Variants in KIAA0753 observed in about 807,000 individuals in gnomAD.
KIAA0753 encodes the protein KIAA0753.
In KIAA0753, 114 loss-of-function variants were observed where a neutral mutation model predicts 116.9. The ratio of observed to expected loss-of-function variants is 0.98; its 90% CI spans 0.84 to 1.14. The LOEUF is 1.14. KIAA0753 is among the 50% of genes most tolerant of loss of function. The pLI is 0.00. For missense variants in KIAA0753, 1,156 were observed against 1,172.4 expected (o/e 0.99, Z 0.20); for synonymous variants, 405 against 413.1 (o/e 0.98, Z 0.24).
chr17:6,594,264 A>C (rs1969296715), intron 16 of KIAA0753, among the ~76,000 whole-genome samples: 1 of 126,668 alleles, frequency 7.9e-6, no homozygotes, highest in Non-Finnish European at 1.6e-5. Flanking sequence ...TTTACCACTC[A>C]CTTCAGATTC....
At chr17:6,624,734 T>A in intron 4 of KIAA0753, 21 bp downstream of exon 4, 1 of 1,522,240 alleles carries the variant, frequency 6.6e-7, no homozygotes, top group East Asian at 2.4e-5. Context: ...ACTGCCCTAC[T>A]TCTCCCTGAA....
chr17:6,595,066 AG>A lies in KIAA0753; in HGVS notation c.2359-14del. ...ACTCCTGGTATTTCTTTAAAAAAAA[AG>A]AAAAAAGTTTAATTTATGAGAAAAA... On this transcript the variant is annotated splice_polypyrimidine_tract_variant and intron_variant, in intron 15 of 18. Transcript: ENST00000361413. The A allele has an allele frequency of 6.4e-7, 1 of 1,562,018 alleles. No homozygotes were observed. Among genetic ancestry groups the A allele is most frequent in the Non-Finnish European group, 8.7e-7 (1 of 1,143,080 alleles).
At chr17:6,626,353 A>G (rs533731817) in intron 3 of KIAA0753, among the ~76,000 whole-genome samples, 1 of 152,386 alleles carries the variant, frequency 6.6e-6, no homozygotes, top group East Asian at 1.9e-4. Flanking sequence ...AAAACATCAA[A>G]CAATGCAAAG....
Position 6,615,006 on chromosome 17 carries a change from C to T in KIAA0753, c.1316-2858G>A, listed in dbSNP as rs542543370. Among the ~76,000 whole-genome samples, 7 of 152,194 alleles carry T rather than the reference C, an allele frequency of 4.6e-5. No homozygotes were observed. In the East Asian group the frequency reaches 1.4e-3, roughly 29 times the overall value. ...TAGAGACGGGGTTTCACCATGTTGG[C>T]CAGGCTGGTCTCAAACTCCTGACCT... On this transcript the variant is annotated intron_variant, in intron 7 of 18. Transcript: ENST00000361413.
In KIAA0753 at chr17:6,596,330, T is replaced by A. The variant is rs754573457; in HGVS notation, c.2186A>T (p.Asp729Val). 10 of 1,392,664 alleles carry A rather than the reference T, an allele frequency of 7.2e-6. No individual in the cohort carries two copies. Among genetic ancestry groups the A allele is most frequent in the Non-Finnish European group, 6.7e-6 (7 of 1,046,542 alleles). 86.3% of individuals were successfully genotyped at this position (1,392,664 alleles called of 1,614,324 possible). ...AQPAQEVAAVDFESNNIRQLD... is the reference protein window; with the variant it reads ...AQPAQEVAAVVFESNNIRQLD... ...CTGACGAATGTTGTTGGATTCAAAA[T>A]CAACAGCTGCAACCTACAAGATGGG... Residue 729 changes from aspartate to valine, a missense_variant, in exon 15 of 19, where the codon GAT (aspartate) becomes GTT (valine). Coordinates refer to ENST00000361413, the MANE Select transcript of KIAA0753 (RefSeq NM_014804.3).
intron 12 of KIAA0753, among the ~76,000 whole-genome samples, chr17:6,605,953 G>A (rs539002160): frequency 6.6e-6 from 1 of 152,360 alleles, no homozygotes; most frequent in East Asian, 1.9e-4. Flanking sequence ...CAAAGGACAA[G>A]TGGGTAAGAG....
At chr17:6,587,869 C>A (rs148807523) in intron 18 of KIAA0753, among the ~76,000 whole-genome samples, 1 of 152,034 alleles carries the variant, frequency 6.6e-6, no homozygotes, top group Non-Finnish European at 1.5e-5. Context: ...GTGAGAAATG[C>A]CCAAGATTTT....
At chr17:6,598,937 C>T (rs888847622) in intron 14 of KIAA0753, among the ~76,000 whole-genome samples, 2 of 152,146 alleles carry the variant, frequency 1.3e-5, no homozygotes, top group South Asian at 2.1e-4. Context: ...ATTCTTCTGC[C>T]GCAGGCCACC....
intron 18 of KIAA0753, among the ~76,000 whole-genome samples, chr17:6,582,547 C>A (rs1349202515): frequency 6.6e-6 from 1 of 152,178 alleles, no homozygotes; most frequent in Admixed American, 6.5e-5. Context: ...TGTTTTTTCG[C>A]TAATCTGACA....
chr17:6,624,255 A>G (rs1017607688), intron 4 of KIAA0753, among the ~76,000 whole-genome samples: 5 of 152,186 alleles, frequency 3.3e-5, no homozygotes, highest in African/African-American at 1.2e-4. Context: ...GACACTTAAC[A>G]TGGTCTTTAC....
chr17:6,586,532 G>A (rs1317206939), intron 18 of KIAA0753, among the ~76,000 whole-genome samples: 1 of 152,128 alleles, frequency 6.6e-6, no homozygotes, highest in South Asian at 2.1e-4. Flanking sequence ...TTTCTTGTTT[G>A]CTGTCATTGA....
intron 18 of KIAA0753, among the ~76,000 whole-genome samples, chr17:6,582,708 A>G (rs1285483588): frequency 2.6e-5 from 4 of 152,112 alleles, no homozygotes; most frequent in African/African-American, 9.7e-5. Context: ...TAATTTTTAA[A>G]CTACATTTGC....
chr17:6,581,325 C>T (rs191266536), intron 18 of KIAA0753, among the ~76,000 whole-genome samples: 23 of 152,064 alleles, frequency 1.5e-4, no homozygotes, highest in African/African-American at 4.8e-4. Context: ...TCCTTATGAT[C>T]AGATTCAGGA....
chr17:6,615,268 C>T (rs10445264), intron 7 of KIAA0753, among the ~76,000 whole-genome samples: 11,824 of 151,964 alleles, frequency 0.078, 535 homozygotes, highest in Non-Finnish European at 0.11. Flanking sequence ...ATGCTGTAGA[C>T]GCTCCCTGCC....
intron 12 of KIAA0753, among the ~76,000 whole-genome samples, chr17:6,602,846 G>A (rs975321019): frequency 3.9e-5 from 6 of 152,010 alleles, no homozygotes; most frequent in African/African-American, 9.7e-5. Flanking sequence ...GTTTTTGATC[G>A]GCAATCACTC....
At chr17:6,616,003 G>A (rs1970903152) in intron 7 of KIAA0753, among the ~76,000 whole-genome samples, 1 of 151,738 alleles carries the variant, frequency 6.6e-6, no homozygotes, top group African/African-American at 2.4e-5. Context: ...TTCAGGGGTG[G>A]GTGGGGAAGA....
At chr17:6,609,257 ACTG>A (rs1436211269) in intron 9 of KIAA0753, among the ~76,000 whole-genome samples, 5 of 152,072 alleles carry the variant, frequency 3.3e-5, no homozygotes, top group Non-Finnish European at 7.4e-5. Context: ...CCCTGACATG[ACTG>A]CTTTTTACTT....
At chr17:6,640,531 T>C (rs1470350834) in intron 1 of KIAA0753, 106 bp downstream of exon 1, 1 of 131,040 alleles carries the variant, frequency 7.6e-6, no homozygotes. Context: ...AAAAGGTAAC[T>C]GGGGGGACAA....
At chr17:6,587,699 C>T (rs919304506) in intron 18 of KIAA0753, among the ~76,000 whole-genome samples, 2 of 152,186 alleles carry the variant, frequency 1.3e-5, no homozygotes, top group East Asian at 1.9e-4. Flanking sequence ...ATCTTATATA[C>T]TTTGAAGGGT....
Sources: allele counts gnomAD v4.1 joint callset (sites outside exome capture counted in the v4.1 genomes callset), GRCh38; gene constraint gnomAD v4.1.1; transcripts MANE v1.5; gene names NCBI Gene and HGNC (gene_info 2026-07-23, HGNC 2026-07-21).